CCDC82: variants seen among roughly 807,000 people sequenced by gnomAD.
CCDC82 encodes the protein coiled-coil domain containing 82, also known as coiled-coil domain-containing protein 82.
CCDC82 carries 47 observed loss-of-function variants against 60.6 expected under a neutral mutation model. That is an observed-to-expected ratio of 0.77 (90% CI 0.61 to 0.99). The LOEUF (loss-of-function observed/expected upper bound fraction) is 0.99, where lower values mean the gene tolerates loss of function less well. Ranked by LOEUF, CCDC82 falls within the 50% of genes least tolerant of loss-of-function variation. CCDC82 has a pLI of 0.00. For missense variants in CCDC82, 588 were observed against 633.0 expected, an observed-to-expected ratio of 0.93 and a Z score of 0.76; for synonymous variants, 212 against 207.4, an observed-to-expected ratio of 1.02 and a Z score of -0.19.
At chr11:96,373,541 C>G in intron 5 of CCDC82, 74 bp from the exon 6 acceptor site, 1 of 832,446 alleles carries the variant, frequency 1.2e-6, no homozygotes, top group Non-Finnish European at 2.0e-6. Flanking sequence ...GTTCCATTCT[C>G]CACTGCTAAG....
rs752368176 is a variant in CCDC82, at chr11:96,384,612, T to C, written c.136A>G (p.Ser46Gly). Residue 46 changes from serine (S) to glycine (G), a missense_variant, in exon 4 of 10, where the codon AGT (serine) becomes GGT (glycine). Physicochemically the swap from Ser to Gly is moderately conservative, Grantham distance 56 (BLOSUM62 0). Coordinates refer to ENST00000646818, the MANE Select transcript of CCDC82 (RefSeq NM_024725.4). ...TCTTCATCACTATCAAATTCTTCAC[T>C]ATCAAGCTCTTCATCACTATCAAGT... ...QLLDSDEELD[S>G]EEFDSDEELD... 6.2e-7 allele frequency: 1 copy of C among 1,613,634 alleles called. No homozygotes were observed. The highest frequency in any genetic ancestry group is 1.3e-5 in the African/African-American group (1 of 75,032).
chr11:96,371,178 T>C, intron 6 of CCDC82, 41 bp from the exon 7 acceptor site: 2 of 1,386,840 alleles, frequency 1.4e-6, no homozygotes, highest in South Asian at 3.4e-5. Context: ...ATTTTGTTAA[T>C]TAGAAATATT....
chr11:96,368,055 A>G (rs1374676905), intron 7 of CCDC82, among the ~76,000 whole-genome samples: 5 of 152,092 alleles, frequency 3.3e-5, no homozygotes, highest in African/African-American at 4.8e-5. Flanking sequence ...TCCTGACCTC[A>G]GGTGATCCAC....
chr11:96,354,092 T>C (rs1241330708), intron 9 of CCDC82: 1 of 165,978 alleles, frequency 6.0e-6, no homozygotes, highest in Admixed American at 6.2e-5. Flanking sequence ...TTTTAAAAGA[T>C]ACTTTTCCTG....
At position 96,384,307 on chromosome 11, in the gene CCDC82, A is replaced by G. The variant is rs1315410064; in HGVS notation, c.441T>C (p.Asp147=). Residue 147 remains aspartate (D), a synonymous_variant, in exon 4 of 10, where the codon GAT becomes GAC. Transcript: ENST00000646818. ...LNKQTGQIIE[D]DQEKHLSQED... is the part of the protein sequence containing the mutation. Reference sequence around the variant, plus strand: ...CTTGACTTAAATGTTTTTCCTGATCATCCTCTATTATTTGTCCAGTTTGTT... The same window carrying G: ...CTTGACTTAAATGTTTTTCCTGATCGTCCTCTATTATTTGTCCAGTTTGTT... 6.2e-7 allele frequency: 1 copy of G among 1,611,616 alleles called. No homozygotes were observed. The highest frequency in any genetic ancestry group is 1.3e-5 in the African/African-American group (1 of 74,272).
chr11:96,353,426 G>A lies in CCDC82; in HGVS notation c.*220C>T. On this transcript the variant is annotated 3_prime_UTR_variant, in exon 10 of 10. Coordinates refer to ENST00000646818, the MANE Select transcript of CCDC82 (RefSeq NM_024725.4). ...TATATAACTTTAAAATATATTTACA[G>A]ACTTAAAAATTAAGATAATGCTTTT... The A allele has an allele frequency of 2.2e-6, 1 of 450,276 alleles. No individual in the cohort carries two copies. 27.9% of individuals were successfully genotyped at this position (450,276 alleles called of 1,614,324 possible).
chr11:96,380,005 A>G (rs1220966379), intron 5 of CCDC82, among the ~76,000 whole-genome samples: 2 of 151,792 alleles, frequency 1.3e-5, no homozygotes, highest in Non-Finnish European at 3.0e-5. Context: ...GAAATGCAAG[A>G]AAAGTAGGGT....
intron 9 of CCDC82, 167 bp from the exon 10 acceptor site, chr11:96,353,881 A>C: frequency 6.0e-6 from 3 of 500,232 alleles, no homozygotes; most frequent in Non-Finnish European, 1.1e-5. Flanking sequence ...TTCCTAACTC[A>C]TATATAACTC....
At chr11:96,362,529 G>A (rs1217215657) in intron 8 of CCDC82, among the ~76,000 whole-genome samples, 2 of 152,142 alleles carry the variant, frequency 1.3e-5, no homozygotes, top group Non-Finnish European at 2.9e-5. Flanking sequence ...AGTCTGGATA[G>A]ACTCTGGGCA....
At chr11:96,371,638 G>T (rs1865282672) in intron 6 of CCDC82, among the ~76,000 whole-genome samples, 1 of 152,320 alleles carries the variant, frequency 6.6e-6, no homozygotes, top group East Asian at 1.9e-4. Context: ...AACAAAAAAA[G>T]TCAGATGAAA....
intron 5 of CCDC82, among the ~76,000 whole-genome samples, chr11:96,375,669 C>A (rs1046322725): frequency 1.3e-5 from 2 of 152,160 alleles, no homozygotes; most frequent in African/African-American, 4.8e-5. Flanking sequence ...TTTCCTAAGA[C>A]CAAACAGTAA....
At chr11:96,361,006 T>G (rs1375823916) in intron 8 of CCDC82, among the ~76,000 whole-genome samples, 1 of 152,258 alleles carries the variant, frequency 6.6e-6, no homozygotes, top group Non-Finnish European at 1.5e-5. Flanking sequence ...TGTACATGGC[T>G]TATTAAAATT....
Position 96,383,953 on chromosome 11 carries a change from A to G in CCDC82, c.786+9T>C, listed in dbSNP as rs1246181111. 6 of 1,590,670 alleles carry G rather than the reference A, an allele frequency of 3.8e-6. No homozygotes were observed. The East Asian group carries it at 6.7e-5, about 18-fold the overall frequency. On this transcript the variant is annotated intron_variant, in intron 4 of 9. Coordinates refer to ENST00000646818, the MANE Select transcript of CCDC82 (RefSeq NM_024725.4). ...AAAACAATAACAAATCCAACAAAAT[A>G]TAACACACCTCAAAATCTCTACCAC...
At chr11:96,369,576 T>C (rs1055819549) in intron 7 of CCDC82, among the ~76,000 whole-genome samples, 51 of 152,288 alleles carry the variant, frequency 3.3e-4, no homozygotes, top group African/African-American at 1.2e-3. Flanking sequence ...CATTTGTAAA[T>C]TAAGTTCACT....
chr11:96,365,658 C>CT (rs1196344233), intron 7 of CCDC82, among the ~76,000 whole-genome samples: 2 of 152,306 alleles, frequency 1.3e-5, no homozygotes, highest in East Asian at 3.9e-4. Context: ...CAAGTTGGCA[C>CT]TAGGACTGCC....
intron 7 of CCDC82, among the ~76,000 whole-genome samples, chr11:96,365,488 G>A (rs1036800592): frequency 6.6e-5 from 10 of 152,080 alleles, no homozygotes; most frequent in African/African-American, 2.4e-4. Context: ...CAGCAAAAAT[G>A]TAGGATGATA....
At chr11:96,374,902 T>C (rs1473365271) in intron 5 of CCDC82, among the ~76,000 whole-genome samples, 2 of 152,110 alleles carry the variant, frequency 1.3e-5, no homozygotes, top group South Asian at 2.1e-4. Context: ...TTTATTTACA[T>C]TGCCACTAGT....
At chr11:96,371,525 T>C (rs931561050) in intron 6 of CCDC82, among the ~76,000 whole-genome samples, 2 of 152,164 alleles carry the variant, frequency 1.3e-5, no homozygotes, top group African/African-American at 4.8e-5. Flanking sequence ...GAGCTTATAG[T>C]GAGCTGAGAT....
At chr11:96,359,909 A>G (rs1392992211) in intron 8 of CCDC82, among the ~76,000 whole-genome samples, 2 of 151,260 alleles carry the variant, frequency 1.3e-5, no homozygotes, top group Non-Finnish European at 2.9e-5. Context: ...TAAGACATTA[A>G]TATTTTGCTG....
Sources: allele counts gnomAD v4.1 joint callset (sites outside exome capture counted in the v4.1 genomes callset), GRCh38; gene constraint gnomAD v4.1.1; transcripts MANE v1.5; gene names NCBI Gene and HGNC (gene_info 2026-07-23, HGNC 2026-07-21).